Variants in LAMA3 observed in about 807,000 individuals in gnomAD.
The protein encoded by LAMA3 is laminin subunit alpha-3.
Under a neutral mutation model 402.0 loss-of-function variants are expected in LAMA3, and 281 were observed. The ratio of observed to expected loss-of-function variants is 0.70; its 90% confidence interval spans 0.63 to 0.77. The LOEUF is 0.77. Among genes scored for constraint, LAMA3 ranks in the 30% least tolerant of loss-of-function variants. The pLI, the probability that LAMA3 is intolerant of heterozygous loss-of-function variation, is 0.00. For missense variants in LAMA3, 3,840 were observed against 4,215.5 expected (o/e 0.91, Z 2.47); for synonymous variants, 1,431 against 1,558.4 (o/e 0.92, Z 1.93).
intron 9 of LAMA3, among the ~76,000 whole-genome samples, chr18:23,775,565 T>G (rs1280938042): frequency 6.9e-6 from 1 of 144,866 alleles, no homozygotes; most frequent in African/African-American, 2.5e-5. Flanking sequence ...ATGACATCCA[T>G]GAGAACTTCT....
At chr18:23,711,163 G>A (rs1598624312) in intron 1 of LAMA3, among the ~76,000 whole-genome samples, 1 of 152,114 alleles carries the variant, frequency 6.6e-6, no homozygotes, top group South Asian at 2.1e-4. Flanking sequence ...GGCAAAGCTC[G>A]CTCCTTGGAA....
At chr18:23,709,333 A>G (rs1488220523) in intron 1 of LAMA3, among the ~76,000 whole-genome samples, 1 of 152,206 alleles carries the variant, frequency 6.6e-6, no homozygotes, top group East Asian at 1.9e-4. Context: ...TTGGCCTCCC[A>G]AAGTGTAGGG....
At position 23,946,001 on chromosome 18, in the gene LAMA3, G is replaced by A. The variant is rs150849314; in HGVS notation, c.9211-143G>A. 1.6e-3 allele frequency: 1,325 copies of A among 803,490 alleles called. 12 individuals are homozygous for A. In the African/African-American group the frequency reaches 0.02, roughly 12 times the overall value. The allele number at this position is 803,490 out of a possible 1,614,324, so 49.8% of individuals were successfully genotyped here. On this transcript the variant is annotated intron_variant, in intron 69 of 74. Transcript: ENST00000313654. ...CAAAACGATGGTGATAGTGATAACC[G>A]GAGGAAAAAATCTCTCATCTTTTGA...
chr18:23,898,761 T>G lies in LAMA3; in HGVS notation c.5637T>G (p.Ser1879=). Residue 1879 remains serine, a synonymous_variant, in exon 45 of 75, where the codon TCT becomes TCG. Transcript: ENST00000313654. Reference sequence around the variant, plus strand: ...AGAATCAGTTGCTCAACTACCGTTCTGCCATTTCAAATCATGGATCAAAAA... The same window carrying G: ...AGAATCAGTTGCTCAACTACCGTTCGGCCATTTCAAATCATGGATCAAAAA... ...DLRNQLLNYR[S]AISNHGSKIE... is the part of the protein sequence containing the mutation. The G allele has an allele frequency of 6.2e-7, 1 of 1,606,922 alleles. No homozygotes were observed. The highest frequency in any genetic ancestry group is 8.5e-7 in the Non-Finnish European group (1 of 1,173,376).
intron 50 of LAMA3, 143 bp downstream of exon 50, chr18:23,904,230 A>T: frequency 2.2e-6 from 2 of 921,736 alleles, no homozygotes; most frequent in Non-Finnish European, 3.5e-6. Context: ...CCAATGCCCC[A>T]GGCCCAAGTC....
chr18:23,738,445 CT>C (rs2061513141), intron 2 of LAMA3, among the ~76,000 whole-genome samples: 1 of 152,022 alleles, frequency 6.6e-6, no homozygotes. Flanking sequence ...GAAGCGGTTC[CT>C]TTTTTGTGGT....
intron 2 of LAMA3, among the ~76,000 whole-genome samples, chr18:23,727,306 TTTGA>T (rs71163638): frequency 0.59 from 87,466 of 148,800 alleles, 25,978 homozygotes; most frequent in Middle Eastern, 0.66. Context: ...TCTGTCCTTG[TTTGA>T]TTGATTGATT....
chr18:23,828,710 A>G (rs2063435328), intron 23 of LAMA3, among the ~76,000 whole-genome samples: 1 of 152,226 alleles, frequency 6.6e-6, no homozygotes, highest in South Asian at 2.1e-4. Flanking sequence ...CCAGAGCTAT[A>G]GCACAGAGCT....
Position 23,889,957 on chromosome 18 carries a change from G to A in LAMA3, c.5304-54G>A, listed in dbSNP as rs541269159. The A allele has an allele frequency of 4.5e-6, 6 of 1,345,794 alleles. No homozygotes were observed. In the South Asian group the frequency reaches 7.0e-5, roughly 16 times the overall value. 83.4% of individuals were successfully genotyped at this position (1,345,794 alleles called of 1,614,324 possible). The stretch of plus-strand genomic sequence containing the variant: ...GAGCTAGAGATTGAGAAAATTGGTT[G>A]AGATAAACGATGAGTTATTTGGGTG... On this transcript the variant is annotated intron_variant, in intron 41 of 74. Coordinates refer to ENST00000313654, the MANE Select transcript of LAMA3 (RefSeq NM_198129.4).
intron 12 of LAMA3, among the ~76,000 whole-genome samples, chr18:23,801,954 A>T (rs1427000780): frequency 6.6e-6 from 1 of 152,242 alleles, no homozygotes; most frequent in Admixed American, 6.5e-5. Flanking sequence ...ACATACGCAT[A>T]TACAGAAAAA....
At chr18:23,905,741 G>A in intron 52 of LAMA3, 117 bp downstream of exon 52, 4 of 582,394 alleles carry the variant, frequency 6.9e-6, no homozygotes, top group Non-Finnish European at 1.2e-5. Flanking sequence ...CAATGCAGAT[G>A]ATACCCTTTA....
chr18:23,887,748 G>A (rs1048520839), intron 41 of LAMA3, among the ~76,000 whole-genome samples: 2 of 152,136 alleles, frequency 1.3e-5, no homozygotes, highest in African/African-American at 4.8e-5. Flanking sequence ...CTGTGGGGAG[G>A]GTTTCGCAAA....
intron 63 of LAMA3, 70 bp downstream of exon 63, chr18:23,928,310 A>G: frequency 1.0e-6 from 1 of 999,494 alleles, no homozygotes; most frequent in Non-Finnish European, 1.6e-6. Flanking sequence ...CCATTAACGC[A>G]GCAACTTTTG....
intron 12 of LAMA3, among the ~76,000 whole-genome samples, chr18:23,806,342 A>T (rs1390754024): frequency 6.6e-6 from 1 of 152,188 alleles, no homozygotes; most frequent in Admixed American, 6.5e-5. Context: ...GTTCTTTTGA[A>T]GTGTAGCGCA....
chr18:23,784,728 A>G (rs1200904046), intron 12 of LAMA3, among the ~76,000 whole-genome samples: 1 of 152,130 alleles, frequency 6.6e-6, no homozygotes. Flanking sequence ...TCCCTAGAGC[A>G]TGGCAGGTAT....
intron 18 of LAMA3, among the ~76,000 whole-genome samples, chr18:23,818,640 A>C (rs915571704): frequency 1.3e-5 from 2 of 152,244 alleles, no homozygotes; most frequent in Non-Finnish European, 2.9e-5. Context: ...TCCAGTGAAC[A>C]AATTTTAATA....
intron 17 of LAMA3, 23 bp downstream of exon 17, chr18:23,815,596 G>A (rs2063160929): frequency 2.7e-6 from 4 of 1,473,238 alleles, no homozygotes; most frequent in Non-Finnish European, 3.8e-6. Flanking sequence ...ATTGGGCCCT[G>A]AGCAAAGCAC....
chr18:23,759,837 A>G (rs1463555924), intron 7 of LAMA3, among the ~76,000 whole-genome samples: 1 of 152,196 alleles, frequency 6.6e-6, no homozygotes, highest in Non-Finnish European at 1.5e-5. Context: ...TCTTGTGGCC[A>G]TCTCAGGGAA....
chr18:23,905,484 T>C (rs2081211472), intron 51 of LAMA3, 38 bp from the exon 52 acceptor site: 3 of 1,108,276 alleles, frequency 2.7e-6, no homozygotes, highest in South Asian at 1.2e-5. Context: ...TCGTAACATA[T>C]AGCATTTGTT....
Sources: gnomAD v4.1 joint callset for allele counts (sites outside exome capture counted in the v4.1 genomes callset) on GRCh38, gnomAD v4.1.1 for gene constraint, MANE v1.5 for transcripts, NCBI Gene and HGNC (gene_info 2026-07-23, HGNC 2026-07-21) for gene names.